The following HNRNPC variants were observed in gnomAD, a reference collection of about 807,000 sequenced individuals.
HNRNPC encodes heterogeneous nuclear ribonucleoproteins C1/C2.
In HNRNPC, 3 loss-of-function variants were observed where a neutral mutation model predicts 33.2. The observed-to-expected ratio is 0.09, with a 90% CI of 0.04 to 0.23. The LOEUF (loss-of-function observed/expected upper bound fraction) is 0.23. HNRNPC is among the 10% of genes least tolerant of loss of function. The pLI is 1.00. For missense variants in HNRNPC, 143 were observed against 366.7 expected (o/e 0.39, Z 4.98); for synonymous variants, 121 against 126.7 (o/e 0.96, Z 0.30).
At chr14:21,268,794 G>A (rs1471136818) in intron 1 of HNRNPC, 2 of 152,150 alleles carry the variant, frequency 1.3e-5, no homozygotes, top group East Asian at 1.9e-4. Flanking sequence ...AAAATAAAAA[G>A]TTATCAGTAA....
At chr14:21,237,266 T>C (rs1436744571) in intron 2 of HNRNPC, among the ~76,000 whole-genome samples, 2 of 152,222 alleles carry the variant, frequency 1.3e-5, no homozygotes, top group African/African-American at 4.8e-5. Context: ...TTTAAAATAA[T>C]TCTAATGCCT....
intron 5 of HNRNPC, among the ~76,000 whole-genome samples, chr14:21,223,703 G>A (rs557598917): frequency 6.6e-6 from 1 of 152,026 alleles, no homozygotes; most frequent in South Asian, 2.1e-4. Flanking sequence ...GAGCAGTGAT[G>A]CGCCACTGCA....
At chr14:21,217,796 G>A (rs987346558) in intron 5 of HNRNPC, among the ~76,000 whole-genome samples, 41 of 152,190 alleles carry the variant, frequency 2.7e-4, no homozygotes, top group African/African-American at 8.7e-4. Flanking sequence ...CTTATTTTAA[G>A]AGGAATAAAA....
In HNRNPC at chr14:21,234,089, T is replaced by G; in HGVS notation, c.105A>C (p.Ala35=). ...CAATTTTGCCATACTTCGAAAAGATTGCCTCCACATCAGATTTCTTGACCA... is the reference window on the plus strand; with the variant it reads ...CAATTTTGCCATACTTCGAAAAGATGGCCTCCACATCAGATTTCTTGACCA... ...TLVVKKSDVE[A]IFSKYGKIVG... is the part of the protein sequence containing the mutation. Residue 35 remains alanine (A), a synonymous_variant, in exon 3 of 9, where the codon GCA becomes GCC. Transcript: ENST00000553300. 6.2e-7 allele frequency: 1 copy of G among 1,613,932 alleles called. No individual in the cohort carries two copies. The highest frequency in any genetic ancestry group is 1.1e-5 in the South Asian group (1 of 91,068).
chr14:21,231,524 G>A (rs998823583), intron 3 of HNRNPC: 13 of 398,660 alleles, frequency 3.3e-5, no homozygotes, highest in South Asian at 7.4e-5. Flanking sequence ...TCGTAGGGAC[G>A]AACTCTTGGG....
chr14:21,268,809 C>T (rs773016256), intron 1 of HNRNPC: 40 of 152,236 alleles, frequency 2.6e-4, no homozygotes, highest in Admixed American at 2.6e-3. Flanking sequence ...CAGTAAAATG[C>T]TGAATCTTTT....
intron 5 of HNRNPC, among the ~76,000 whole-genome samples, chr14:21,224,911 A>G (rs1893241396): frequency 6.6e-6 from 1 of 152,142 alleles, no homozygotes; most frequent in East Asian, 1.9e-4. Context: ...AACCTCTAAG[A>G]ATTTCATACT....
At chr14:21,226,897 G>GAAAA (rs1566608876) in intron 5 of HNRNPC, among the ~76,000 whole-genome samples, 47 of 52,306 alleles carry the variant, frequency 9.0e-4, no homozygotes, top group African/African-American at 2.9e-3. Context: ...AAAAAAAAAG[G>GAAAA]GGGGGGGGGG....
At chr14:21,252,317 T>G (rs1896759551) in intron 2 of HNRNPC, among the ~76,000 whole-genome samples, 1 of 152,204 alleles carries the variant, frequency 6.6e-6, no homozygotes, top group Non-Finnish European at 1.5e-5. Context: ...GGTCTTTTTT[T>G]GTTGTTGTTT....
At chr14:21,255,458 A>T (rs1461904154) in intron 2 of HNRNPC, among the ~76,000 whole-genome samples, 1 of 152,232 alleles carries the variant, frequency 6.6e-6, no homozygotes, top group Non-Finnish European at 1.5e-5. Flanking sequence ...CCAAATGTTG[A>T]TACAGGCAAC....
At chr14:21,239,657 T>C (rs1433354276) in intron 2 of HNRNPC, among the ~76,000 whole-genome samples, 2 of 152,170 alleles carry the variant, frequency 1.3e-5, no homozygotes, top group Non-Finnish European at 2.9e-5. Flanking sequence ...GCAAATCACC[T>C]GAGGACAGGA....
intron 5 of HNRNPC, among the ~76,000 whole-genome samples, chr14:21,223,749 A>C (rs1432897888): frequency 2.0e-5 from 3 of 152,178 alleles, no homozygotes; most frequent in African/African-American, 7.2e-5. Flanking sequence ...TCAGGTCTCA[A>C]AAAACAAAAA....
At chr14:21,217,169 G>GAAGT (rs978454057) in intron 5 of HNRNPC, among the ~76,000 whole-genome samples, 120 of 152,304 alleles carry the variant, frequency 7.9e-4, no homozygotes, top group African/African-American at 2.7e-3. Context: ...CACATCTGAG[G>GAAGT]AAGTAGTCCT....
chr14:21,245,743 C>T (rs1800472025), intron 2 of HNRNPC, among the ~76,000 whole-genome samples: 1 of 152,032 alleles, frequency 6.6e-6, no homozygotes, highest in African/African-American at 2.4e-5. Context: ...AACATTTTTA[C>T]TTTGAAAAAA....
chr14:21,234,326 C>A, intron 2 of HNRNPC, 97 bp from the exon 3 acceptor site: 2 of 1,125,588 alleles, frequency 1.8e-6, no homozygotes, highest in Non-Finnish European at 2.5e-6. Flanking sequence ...CTGTTAACTG[C>A]CCAGAGTATT....
At chr14:21,239,524 T>C (rs891366046) in intron 2 of HNRNPC, among the ~76,000 whole-genome samples, 2 of 152,040 alleles carry the variant, frequency 1.3e-5, no homozygotes, top group Non-Finnish European at 2.9e-5. Flanking sequence ...GTGCTATTTC[T>C]TTCTTAAACT....
rs377537776 is a variant in HNRNPC at position 21,230,346 on chromosome 14, T to C, written c.338A>G (p.Tyr113Cys). The change falls in exon 5 of 9, where the codon TAT (tyrosine) becomes TGT (cysteine). Residue 113 changes from tyrosine (Y) to cysteine (C), a missense_variant. Physicochemically the swap from Tyr to Cys is radical, Grantham distance 194. Transcript: ENST00000553300. ...ATCATAATAGTCCCGTTGAAAGTCA[T>C]AGTCCAAGTCAAAAGAGGAGCTGAA... ...EMYGSSFDLD[Y>C]DFQRDYYDRM... 19 of 1,610,102 alleles carry C rather than the reference T, an allele frequency of 1.2e-5. No individual in the cohort carries two copies. The highest frequency in any genetic ancestry group is 2.7e-5 in the African/African-American group (2 of 74,796).
intron 5 of HNRNPC, among the ~76,000 whole-genome samples, chr14:21,225,572 C>A (rs932241315): frequency 1.3e-5 from 2 of 152,060 alleles, no homozygotes; most frequent in African/African-American, 4.8e-5. Context: ...CATCCTCAGG[C>A]GTAAGAGTTA....
intron 5 of HNRNPC, 91 bp from the exon 6 acceptor site, chr14:21,213,208 T>C: frequency 7.7e-7 from 1 of 1,304,060 alleles, no homozygotes; most frequent in South Asian, 1.4e-5. Flanking sequence ...AAGTGAATAT[T>C]GTCTCTAGTC....
Sources: allele counts gnomAD v4.1 joint callset (sites outside exome capture counted in the v4.1 genomes callset), GRCh38; gene constraint gnomAD v4.1.1; transcripts MANE v1.5; gene names NCBI Gene and HGNC (gene_info 2026-07-23, HGNC 2026-07-21).